Variants in GRID2 observed in about 807,000 individuals in gnomAD.
GRID2 encodes glutamate ionotropic receptor delta type subunit 2.
In GRID2, 33 loss-of-function variants were observed where a neutral mutation model predicts 114.8. The observed-to-expected ratio is 0.29, with a 90% confidence interval of 0.22 to 0.38. GRID2 has a LOEUF of 0.38. Among genes scored for constraint, GRID2 ranks in the 10% least tolerant of loss-of-function variants. GRID2 has a pLI of 1.00. For synonymous variants in GRID2, 505 were observed against 449.9 expected (o/e 1.12, Z -1.55); for missense variants, 1,184 against 1,257.7 (o/e 0.94, Z 0.89).
chr4:93,200,083 C>T (rs897600630), intron 4 of GRID2, among the ~76,000 whole-genome samples: 36 of 152,126 alleles, frequency 2.4e-4, no homozygotes, highest in Admixed American at 6.5e-5. Context: ...AACACTCAGG[C>T]AACTGGATAT....
chr4:92,713,930 C>A (rs995634896), intron 2 of GRID2, among the ~76,000 whole-genome samples: 1 of 152,008 alleles, frequency 6.6e-6, no homozygotes. Context: ...CTTGCCCCTC[C>A]CAAATCTCAT....
intron 1 of GRID2, among the ~76,000 whole-genome samples, chr4:92,404,815 G>A (rs184291502): frequency 6.6e-6 from 1 of 152,302 alleles, no homozygotes; most frequent in East Asian, 1.9e-4. Flanking sequence ...TCATTTAAAA[G>A]TGGAAGCTGA....
chr4:93,632,249 T>G (rs973697739), intron 14 of GRID2, among the ~76,000 whole-genome samples: 8 of 152,222 alleles, frequency 5.3e-5, no homozygotes, highest in Admixed American at 3.9e-4. Flanking sequence ...TTTTGGCTTT[T>G]GTTGCCATTG....
chr4:93,287,766 T>C (rs1362708878), intron 8 of GRID2, among the ~76,000 whole-genome samples: 1 of 152,192 alleles, frequency 6.6e-6, no homozygotes, highest in East Asian at 1.9e-4. Flanking sequence ...AAAGAGAGCA[T>C]GTTCACTATA....
intron 2 of GRID2, among the ~76,000 whole-genome samples, chr4:92,902,765 T>G (rs553700486): frequency 1.3e-5 from 2 of 152,050 alleles, no homozygotes; most frequent in African/African-American, 4.8e-5. Flanking sequence ...TCCCAACATA[T>G]GTTTTTGTCG....
At position 93,130,441 on chromosome 4, in the gene GRID2, C is replaced by G. The variant is rs540730150; in HGVS notation, c.735+19488C>G. On this transcript the variant is annotated intron_variant, in intron 4 of 15. Transcript: ENST00000282020. Reference sequence around the variant, plus strand: ...CCTGGAGTACAGAGCAAAACCCTGTCTCAGGGGGAAAAAAACTGGTAATAC... The same window carrying G: ...CCTGGAGTACAGAGCAAAACCCTGTGTCAGGGGGAAAAAAACTGGTAATAC... Among the ~76,000 whole-genome samples, 33 of 151,980 alleles carry G rather than the reference C, an allele frequency of 2.2e-4. No individual in the cohort carries two copies. The South Asian group carries it at 6.9e-3, about 32-fold the overall frequency.
At chr4:93,449,335 G>A (rs1257536383) in intron 10 of GRID2, among the ~76,000 whole-genome samples, 3 of 151,924 alleles carry the variant, frequency 2.0e-5, no homozygotes, top group African/African-American at 4.8e-5. Context: ...GAAGTGATAC[G>A]TGAATTACTA....
chr4:92,303,975 C>G lies in GRID2; in HGVS notation c.-682C>G, dbSNP rs558050386. ...GCCACCGCGCCCCAGCAAACCGGCT[C>G]CCCGGGCCCGCCTCGCCAAGCTGCG... On this transcript the variant is annotated 5_prime_UTR_variant, in exon 1 of 16. Coordinates refer to ENST00000282020, the MANE Select transcript of GRID2 (RefSeq NM_001510.4). 1 of 152,954 alleles carries G rather than the reference C, an allele frequency of 6.5e-6. No homozygotes were observed. Among genetic ancestry groups the G allele is most frequent in the Non-Finnish European group, 1.5e-5 (1 of 68,604 alleles). The allele number at this position is 152,954 out of a possible 1,614,324, so 9.5% of individuals were successfully genotyped here. A position where few individuals can be genotyped will look rare whatever the true frequency, so the allele number is the denominator to read the frequency against.
At chr4:93,703,082 T>A (rs115685364) in intron 14 of GRID2, among the ~76,000 whole-genome samples, 3 of 152,298 alleles carry the variant, frequency 2.0e-5, no homozygotes, top group Non-Finnish European at 2.9e-5. Flanking sequence ...TTGTGTTAGA[T>A]AAATGAAGGT....
At chr4:93,527,997 A>G (rs1731082628) in intron 13 of GRID2, among the ~76,000 whole-genome samples, 1 of 152,056 alleles carries the variant, frequency 6.6e-6, no homozygotes, top group Non-Finnish European at 1.5e-5. Flanking sequence ...CACTTAGCAT[A>G]ATGTCCTCTA....
chr4:93,444,940 T>G (rs1181972480), intron 10 of GRID2, among the ~76,000 whole-genome samples: 6 of 152,024 alleles, frequency 3.9e-5, no homozygotes, highest in African/African-American at 1.4e-4. Flanking sequence ...TATAAATATC[T>G]GTTCTCTCCT....
intron 2 of GRID2, among the ~76,000 whole-genome samples, chr4:92,943,867 A>G (rs1456983145): frequency 1.3e-5 from 2 of 152,222 alleles, no homozygotes; most frequent in African/African-American, 2.4e-5. Context: ...TTGCCTGAGT[A>G]TCAGCAGCGG....
chr4:93,029,818 C>A (rs1051930196), intron 2 of GRID2, among the ~76,000 whole-genome samples: 37 of 152,114 alleles, frequency 2.4e-4, no homozygotes, highest in African/African-American at 8.7e-4. Context: ...TTAGCTTCTT[C>A]TGCCCAGTCT....
chr4:92,323,166 G>A (rs1044170170), intron 1 of GRID2, among the ~76,000 whole-genome samples: 1 of 152,118 alleles, frequency 6.6e-6, no homozygotes, highest in Non-Finnish European at 1.5e-5. Context: ...GTCCCAAGAG[G>A]AGAAATCATC....
intron 2 of GRID2, among the ~76,000 whole-genome samples, chr4:92,798,033 A>G (rs1253266664): frequency 6.6e-6 from 1 of 151,990 alleles, no homozygotes; most frequent in Non-Finnish European, 1.5e-5. Context: ...TCCTGAATCA[A>G]ACAAAGATAA....
chr4:93,124,343 G>A (rs76813176), intron 4 of GRID2, among the ~76,000 whole-genome samples: 8,949 of 152,174 alleles, frequency 0.059, 442 homozygotes, highest in East Asian at 0.2. Flanking sequence ...AGAATAGTGA[G>A]CTCATGCATT....
intron 8 of GRID2, among the ~76,000 whole-genome samples, chr4:93,375,478 T>C (rs1454678191): frequency 1.3e-5 from 2 of 152,122 alleles, no homozygotes; most frequent in South Asian, 2.1e-4. Context: ...CCCAAAGTGC[T>C]GGGATTACAG....
rs186180723 is a variant in GRID2 at position 92,418,414 on chromosome 4, T to C, written c.88+113670T>C. Among the ~76,000 whole-genome samples the C allele has an allele frequency of 6.6e-5, 10 of 151,848 alleles. No homozygotes were observed. In the East Asian group the frequency reaches 1.7e-3, roughly 27 times the overall value. ...ACCAAGCGTCAAGACAAGGATGGGG[T>C]GGGAGTGGTGGAATTGTGACCTGAT... On this transcript the variant is annotated intron_variant, in intron 1 of 15. Transcript: ENST00000282020.
chr4:92,911,526 C>T (rs2149491332), intron 2 of GRID2, among the ~76,000 whole-genome samples: 1 of 151,958 alleles, frequency 6.6e-6, no homozygotes, highest in African/African-American at 2.4e-5. Context: ...TATTGTTGGA[C>T]TGCCATGATA....
Sources: gnomAD v4.1 joint callset for allele counts (sites outside exome capture counted in the v4.1 genomes callset) on GRCh38, gnomAD v4.1.1 for gene constraint, MANE v1.5 for transcripts, NCBI Gene and HGNC (gene_info 2026-07-23, HGNC 2026-07-21) for gene names.